Variants in USP9X observed in about 807,000 individuals in gnomAD.
USP9X encodes the protein ubiquitin carboxyl-terminal hydrolase 9X.
In USP9X, 7 loss-of-function variants were observed where a neutral mutation model predicts 190.3. The observed-to-expected ratio is 0.04, with a 90% CI of 0.02 to 0.07. The LOEUF (loss-of-function observed/expected upper bound fraction) is 0.07, where lower values mean the gene tolerates loss of function less well. USP9X is among the 10% of genes least tolerant of loss of function. The pLI, the probability that USP9X is intolerant of heterozygous loss-of-function variation, is 1.00. For missense variants in USP9X, 1,010 were observed against 1,916.9 expected (o/e 0.53, Z 8.83); for synonymous variants, 645 against 659.5 (o/e 0.98, Z 0.34).
In USP9X at chrX:41,162,836, T is replaced by C. The variant is rs1251357229; in HGVS notation, c.1944T>C (p.Tyr648=). The change falls in exon 15 of 45, where the codon TAT becomes TAC. Residue 648 remains tyrosine, a synonymous_variant. Coordinates refer to ENST00000378308, the MANE Select transcript of USP9X (RefSeq NM_001039591.3). ...AAACTGTGAGGCTGGGAAGTAGATA[T>C]AGTCATGTTCAAGAAGTTCAAGAAC... ...DPQTVRLGSR[Y]SHVQEVQERL... The C allele has an allele frequency of 8.3e-6, 10 of 1,208,018 alleles. No homozygotes were observed. Among genetic ancestry groups the C allele is most frequent in the African/African-American group, 7.0e-5 (4 of 57,160 alleles).
intron 1 of USP9X, among the ~76,000 whole-genome samples, chrX:41,117,083 A>G (rs1238140202): frequency 9.0e-6 from 1 of 111,403 alleles, no homozygotes; most frequent in African/African-American, 3.3e-5. Context: ...AAATGAGGAC[A>G]GCTTGTCGGG....
chrX:41,170,733 CA>C (rs2062718230), intron 20 of USP9X, 114 bp downstream of exon 20: 4 of 723,189 alleles, frequency 5.5e-6, no homozygotes, highest in Non-Finnish European at 5.8e-6. Flanking sequence ...TTTAATGAGA[CA>C]AAAAAATACA....
chrX:41,233,564 C>T lies in USP9X; in HGVS notation c.*1040C>T, dbSNP rs1324345913. ...TTCTAAAACTTTCCTTCTGTTGGAT[C>T]CCAGTGACGTGGAAGTCATCAGAAC... On this transcript the variant is annotated 3_prime_UTR_variant, in exon 45 of 45. Transcript: ENST00000378308. The T allele has an allele frequency of 8.9e-6, 1 of 111,982 alleles. No individual in the cohort carries two copies. The highest frequency in any genetic ancestry group is 3.3e-5 in the African/African-American group (1 of 30,744). The allele number at this position is 111,982 out of a possible 1,213,427, so 9.2% of individuals were successfully genotyped here. A position where few individuals can be genotyped will look rare whatever the true frequency, so the allele number is the denominator to read the frequency against.
chrX:41,090,929 T>A (rs775750868), intron 1 of USP9X, among the ~76,000 whole-genome samples: 21 of 111,389 alleles, frequency 1.9e-4, no homozygotes, highest in South Asian at 3.8e-4. Context: ...GGTGTTACGG[T>A]TCCAGCTCTA....
At chrX:41,105,378 T>C (rs1213059527) in intron 1 of USP9X, among the ~76,000 whole-genome samples, 1 of 112,122 alleles carries the variant, frequency 8.9e-6, no homozygotes, top group African/African-American at 3.2e-5. Flanking sequence ...CGACTCCAGG[T>C]ACCTCATAAG....
intron 6 of USP9X, among the ~76,000 whole-genome samples, chrX:41,138,025 A>G (rs930735416): frequency 2.7e-5 from 3 of 111,352 alleles, no homozygotes; most frequent in African/African-American, 9.8e-5. Flanking sequence ...AGTTCTTGCT[A>G]TTAAACTTAT....
intron 11 of USP9X, among the ~76,000 whole-genome samples, chrX:41,147,450 GTTTTTTTTTT>G (rs760854080): frequency 1.4e-5 from 1 of 69,797 alleles, no homozygotes. Context: ...CTTAATCGTT[GTTTTTTTTTT>G]TTTTTTTTTT....
At chrX:41,203,728 C>T (rs1199292349) in intron 31 of USP9X, among the ~76,000 whole-genome samples, 1 of 110,728 alleles carries the variant, frequency 9.0e-6, no homozygotes, top group Admixed American at 9.6e-5. Flanking sequence ...GACAGAGTCT[C>T]ACTCTGTCAC....
At chrX:41,101,279 T>C (rs948468935) in intron 1 of USP9X, among the ~76,000 whole-genome samples, 3 of 110,423 alleles carry the variant, frequency 2.7e-5, no homozygotes, top group African/African-American at 6.6e-5. Flanking sequence ...TGCAAAGATA[T>C]AAAGACTTTA....
chrX:41,149,429 CTT>C (rs1378782846), intron 12 of USP9X, among the ~76,000 whole-genome samples: 1 of 110,692 alleles, frequency 9.0e-6, no homozygotes, highest in Non-Finnish European at 1.9e-5. Flanking sequence ...AGACTGTTGC[CTT>C]TTTTCAACTT....
chrX:41,111,637 G>A (rs2062108978), intron 1 of USP9X, among the ~76,000 whole-genome samples: 1 of 111,091 alleles, frequency 9.0e-6, no homozygotes, highest in Admixed American at 9.6e-5. Flanking sequence ...GAATTAATAT[G>A]GGTAAAACTA....
intron 1 of USP9X, among the ~76,000 whole-genome samples, chrX:41,105,791 C>T (rs753784568): frequency 1.2e-4 from 13 of 112,185 alleles, no homozygotes; most frequent in Non-Finnish European, 1.9e-4. Flanking sequence ...AGTTTCTCCC[C>T]TTATCCTTGC....
At chrX:41,166,706 T>G (rs2062681481) in intron 16 of USP9X, among the ~76,000 whole-genome samples, 1 of 112,115 alleles carries the variant, frequency 8.9e-6, no homozygotes, top group Admixed American at 9.5e-5. Flanking sequence ...ATTTTTATAG[T>G]ACTACTCTAT....
At chrX:41,146,474 G>C (rs1230288199) in intron 11 of USP9X, among the ~76,000 whole-genome samples, 1 of 111,749 alleles carries the variant, frequency 8.9e-6, no homozygotes, top group Non-Finnish European at 1.9e-5. Flanking sequence ...CTAGAGCCTA[G>C]TTTTTAAACA....
intron 1 of USP9X, among the ~76,000 whole-genome samples, chrX:41,101,183 G>A (rs746880851): frequency 3.6e-5 from 4 of 110,604 alleles, no homozygotes; most frequent in Non-Finnish European, 5.7e-5. Flanking sequence ...GCAGTAACTC[G>A]ATACAGCTTT....
chrX:41,102,120 T>G (rs1333259825), intron 1 of USP9X, among the ~76,000 whole-genome samples: 2 of 112,020 alleles, frequency 1.8e-5, no homozygotes, highest in Non-Finnish European at 3.8e-5. Context: ...TTGTACACTT[T>G]AAATGGACGA....
intron 1 of USP9X, among the ~76,000 whole-genome samples, chrX:41,121,667 T>G (rs1156899741): frequency 1.8e-5 from 2 of 111,462 alleles, no homozygotes; most frequent in African/African-American, 6.5e-5. Flanking sequence ...TTAGAACCAA[T>G]CAGTTAAGTT....
intron 41 of USP9X, 177 bp from the exon 42 acceptor site, chrX:41,229,076 C>T: frequency 3.0e-6 from 1 of 333,902 alleles, no homozygotes; most frequent in East Asian, 5.0e-5. Flanking sequence ...TGCACTCCAG[C>T]CCAGGCCGTC....
intron 44 of USP9X, among the ~76,000 whole-genome samples, chrX:41,231,731 CAAAAAA>C (rs750438773): frequency 1.0e-4 from 5 of 47,963 alleles, no homozygotes; most frequent in African/African-American, 1.4e-4. Flanking sequence ...ACTCCCATCT[CAAAAAA>C]AAAAAAAAAA....
Sources: gnomAD v4.1 joint callset for allele counts (sites outside exome capture counted in the v4.1 genomes callset) on GRCh38, gnomAD v4.1.1 for gene constraint, MANE v1.5 for transcripts, NCBI Gene and HGNC (gene_info 2026-07-23, HGNC 2026-07-21) for gene names.